The following CSMD3 variants were observed in gnomAD, a reference collection of about 807,000 sequenced individuals.
CSMD3 encodes CUB and Sushi multiple domains 3.
Under a neutral mutation model 435.2 loss-of-function variants are expected in CSMD3, and 177 were observed. That is an observed-to-expected ratio of 0.41 (90% CI 0.36 to 0.46). CSMD3 has a LOEUF of 0.46. Among genes scored for constraint, CSMD3 ranks in the 20% least tolerant of loss-of-function variants. The pLI is 0.34. For missense variants in CSMD3, 4,265 were observed against 4,504.6 expected, an observed-to-expected ratio of 0.95 and a Z score of 1.52; for synonymous variants, 1,656 against 1,520.5, an observed-to-expected ratio of 1.09 and a Z score of -2.07.
At chr8:112,941,444 G>A (rs1001227957) in intron 9 of CSMD3, among the ~76,000 whole-genome samples, 1 of 151,674 alleles carries the variant, frequency 6.6e-6, no homozygotes, top group Non-Finnish European at 1.5e-5. Context: ...GAGAAAAATC[G>A]GCAGCTTGTA....
In CSMD3 at chr8:113,278,662, T is replaced by C. The variant is rs773725652; in HGVS notation, c.444A>G (p.Lys148=). The C allele has an allele frequency of 6.2e-7, 1 of 1,602,150 alleles. No individual in the cohort carries two copies. The highest frequency in any genetic ancestry group is 8.6e-7 in the Non-Finnish European group (1 of 1,169,506). The change falls in exon 3 of 71, where the codon AAA becomes AAG. Residue 148 remains lysine (K), a synonymous_variant. Transcript: ENST00000297405. ...TGGTCAAACGTAGTGAGAACACAGA[T>C]TTGGTACTTGTCACTGGAGGTGGCA... The part of the protein sequence containing the change: ...FHLPPPVTST[K]SVFSLRLTSD...
At chr8:112,456,684 CT>C (rs1392788514) in intron 32 of CSMD3, among the ~76,000 whole-genome samples, 4 of 151,922 alleles carry the variant, frequency 2.6e-5, no homozygotes, top group African/African-American at 9.7e-5. Flanking sequence ...ATAATTATCT[CT>C]TTTTTATAGA....
chr8:112,286,207 T>A (rs1291174277), intron 58 of CSMD3, among the ~76,000 whole-genome samples: 1 of 152,182 alleles, frequency 6.6e-6, no homozygotes, highest in Non-Finnish European at 1.5e-5. Context: ...ATTGAGGTTA[T>A]GTTAGGGTAA....
At chr8:113,274,401 C>T (rs932867846) in intron 3 of CSMD3, among the ~76,000 whole-genome samples, 3 of 152,060 alleles carry the variant, frequency 2.0e-5, no homozygotes, top group South Asian at 4.1e-4. Flanking sequence ...AGAACTGGTT[C>T]GTGGACCAGT....
intron 13 of CSMD3, among the ~76,000 whole-genome samples, chr8:112,781,049 T>C (rs1304203636): frequency 1.5e-5 from 2 of 137,404 alleles, no homozygotes; most frequent in Non-Finnish European, 3.1e-5. Context: ...CAGGAGAGTC[T>C]GTTGCTGCTT....
intron 29 of CSMD3, among the ~76,000 whole-genome samples, 154 bp downstream of exon 29, chr8:112,506,537 G>A (rs1822540666): frequency 6.6e-6 from 1 of 152,094 alleles, no homozygotes; most frequent in Admixed American, 6.6e-5. Flanking sequence ...ACAAATGACA[G>A]TGGCAAAGCT....
rs1323722976 is a variant in CSMD3, at chr8:112,650,153, G to C, written c.3193+8C>G. 6.2e-7 allele frequency: 1 copy of C among 1,600,702 alleles called. No homozygotes were observed. Among genetic ancestry groups the C allele is most frequent in the Non-Finnish European group, 8.6e-7 (1 of 1,167,798 alleles). ...TCAGCATATTTTGCATGTCAAATGA[G>C]TTATTACCATCACAGGTTGGAAGTG... On this transcript the variant is annotated splice_region_variant and intron_variant, in intron 19 of 70. Coordinates refer to ENST00000297405, the MANE Select transcript of CSMD3 (RefSeq NM_198123.2).
At chr8:113,218,064 G>T (rs944011254) in intron 3 of CSMD3, among the ~76,000 whole-genome samples, 3 of 150,552 alleles carry the variant, frequency 2.0e-5, no homozygotes, top group African/African-American at 7.3e-5. Flanking sequence ...TGAGTTCACA[G>T]GATGCCTTCC....
chr8:112,933,370 T>C (rs986112854), intron 9 of CSMD3, among the ~76,000 whole-genome samples: 2 of 152,184 alleles, frequency 1.3e-5, no homozygotes, highest in African/African-American at 4.8e-5. Flanking sequence ...TTTAAAATGT[T>C]ACAAATTTTA....
At chr8:112,738,417 AT>A (rs972794321) in intron 13 of CSMD3, among the ~76,000 whole-genome samples, 2 of 151,836 alleles carry the variant, frequency 1.3e-5, no homozygotes, top group African/African-American at 2.4e-5. Flanking sequence ...TGAACTATTT[AT>A]ATAATAATTA....
intron 4 of CSMD3, among the ~76,000 whole-genome samples, chr8:113,126,075 C>T (rs959017640): frequency 7.9e-5 from 12 of 151,892 alleles, no homozygotes; most frequent in Admixed American, 5.3e-4. Flanking sequence ...TTAATACTAA[C>T]GCACTTGAGA....
chr8:112,309,030 T>G (rs1821708593), intron 50 of CSMD3, among the ~76,000 whole-genome samples: 1 of 152,046 alleles, frequency 6.6e-6, no homozygotes, highest in Non-Finnish European at 1.5e-5. Context: ...AAAAGATCAA[T>G]TTTTGGAAAT....
intron 32 of CSMD3, among the ~76,000 whole-genome samples, chr8:112,445,270 C>T (rs1359055576): frequency 1.3e-5 from 2 of 152,014 alleles, no homozygotes; most frequent in Admixed American, 1.3e-4. Flanking sequence ...AAAACCTGGA[C>T]ATTGTTAATA....
chr8:112,451,252 A>G, intron 32 of CSMD3, among the ~76,000 whole-genome samples: 1 of 152,212 alleles, frequency 6.6e-6, no homozygotes, highest in South Asian at 2.1e-4. Flanking sequence ...GTGAAGTTAT[A>G]AATGACTTTA....
chr8:112,826,305 C>G (rs962424165), intron 12 of CSMD3, among the ~76,000 whole-genome samples: 2 of 152,150 alleles, frequency 1.3e-5, no homozygotes, highest in Non-Finnish European at 2.9e-5. Context: ...AACCCTCCCC[C>G]AAGAAGCTCA....
At chr8:112,654,985 C>T (rs182148547) in intron 18 of CSMD3, among the ~76,000 whole-genome samples, 168 of 152,104 alleles carry the variant, frequency 1.1e-3, no homozygotes, top group African/African-American at 4.0e-3. Context: ...TCATTTGAAC[C>T]CCCAAGTATG....
At chr8:113,338,927 T>C (rs1042359266) in intron 1 of CSMD3, among the ~76,000 whole-genome samples, 7 of 151,976 alleles carry the variant, frequency 4.6e-5, no homozygotes, top group Admixed American at 3.3e-4. Flanking sequence ...AAGGTTTTCT[T>C]GTCCACACTT....
chr8:112,848,136 C>T (rs1305356350), intron 11 of CSMD3, among the ~76,000 whole-genome samples: 1 of 152,078 alleles, frequency 6.6e-6, no homozygotes, highest in Non-Finnish European at 1.5e-5. Flanking sequence ...TAATACTTCA[C>T]TTCAACAGAA....
chr8:113,412,697 A>G (rs540241977), intron 1 of CSMD3, among the ~76,000 whole-genome samples: 2 of 152,240 alleles, frequency 1.3e-5, no homozygotes, highest in African/African-American at 2.4e-5. Flanking sequence ...ATCAATCTCC[A>G]TACCTATCCT....
Sources: gnomAD v4.1 joint callset for allele counts (sites outside exome capture counted in the v4.1 genomes callset) on GRCh38, gnomAD v4.1.1 for gene constraint, MANE v1.5 for transcripts, NCBI Gene and HGNC (gene_info 2026-07-23, HGNC 2026-07-21) for gene names.